Variants in NALF1 observed in about 807,000 individuals in gnomAD.
The protein encoded by NALF1 is NALCN channel auxiliary factor 1.
A neutral mutation model predicts 48.4 loss-of-function variants in NALF1; 3 were observed. That is an observed-to-expected ratio of 0.06 (90% CI 0.03 to 0.16). NALF1 has a LOEUF of 0.16. Ranked by LOEUF, NALF1 falls within the 10% of genes least tolerant of loss-of-function variation. The pLI is 1.00. For synonymous variants in NALF1, 262 were observed against 245.7 expected, an observed-to-expected ratio of 1.07 and a Z score of -0.62; for missense variants, 526 against 571.5, an observed-to-expected ratio of 0.92 and a Z score of 0.81.
rs148087103 is a variant in NALF1, at chr13:107,577,659, G to C, written c.915+288023C>G. On this transcript the variant is annotated intron_variant, in intron 1 of 2. Coordinates refer to ENST00000375915, the MANE Select transcript of NALF1 (RefSeq NM_001080396.3). ...CTCTACTGGGAAGATCTCCTTATTA[G>C]CTGATTTGGAAGATCTATTTTTTGT... Among the ~76,000 whole-genome samples the C allele has an allele frequency of 4.9e-3, 746 of 152,236 alleles. 8 individuals carry two copies. Among genetic ancestry groups the C allele is most frequent in the African/African-American group, 0.017 (711 of 41,528 alleles).
intron 1 of NALF1, among the ~76,000 whole-genome samples, chr13:107,574,100 C>T (rs1042006999): frequency 1.3e-5 from 2 of 152,100 alleles, no homozygotes; most frequent in Non-Finnish European, 2.9e-5. Flanking sequence ...CTGTCTACTT[C>T]TACTAATATA....
At chr13:107,530,108 C>T (rs1483319132) in intron 1 of NALF1, among the ~76,000 whole-genome samples, 2 of 152,056 alleles carry the variant, frequency 1.3e-5, no homozygotes, top group Non-Finnish European at 2.9e-5. Context: ...CAAATCCCCA[C>T]CTGGGCACCT....
At chr13:107,750,518 A>T (rs1482290830) in intron 1 of NALF1, among the ~76,000 whole-genome samples, 1 of 152,138 alleles carries the variant, frequency 6.6e-6, no homozygotes, top group Non-Finnish European at 1.5e-5. Context: ...TTAGTTTTTT[A>T]AAAGATTGAG....
intron 1 of NALF1, among the ~76,000 whole-genome samples, chr13:107,447,474 C>G (rs1411378326): frequency 1.3e-5 from 2 of 152,112 alleles, no homozygotes; most frequent in African/African-American, 4.8e-5. Flanking sequence ...CTGCTGGATA[C>G]CCACAGGTTT....
At chr13:107,690,041 C>T (rs1881531245) in intron 1 of NALF1, among the ~76,000 whole-genome samples, 1 of 152,202 alleles carries the variant, frequency 6.6e-6, no homozygotes, top group South Asian at 2.1e-4. Flanking sequence ...TTGCCTTTCA[C>T]TGTTAAATTT....
chr13:107,380,718 T>C (rs963423659), intron 1 of NALF1, among the ~76,000 whole-genome samples: 14 of 152,032 alleles, frequency 9.2e-5, no homozygotes, highest in Non-Finnish European at 1.6e-4. Flanking sequence ...GTGGTTCACG[T>C]CTGTAATCCC....
chr13:107,704,807 C>A (rs1313375006), intron 1 of NALF1, among the ~76,000 whole-genome samples: 1 of 152,030 alleles, frequency 6.6e-6, no homozygotes, highest in Non-Finnish European at 1.5e-5. Context: ...AGATGCCCTG[C>A]GTCTCAATTT....
At chr13:107,703,821 C>T (rs1348900952) in intron 1 of NALF1, among the ~76,000 whole-genome samples, 4 of 152,304 alleles carry the variant, frequency 2.6e-5, no homozygotes, top group African/African-American at 9.6e-5. Context: ...ACCCCCTGTT[C>T]CCTACATTTC....
chr13:107,866,147 G>T lies in NALF1; in HGVS notation c.450C>A (p.Asp150Glu). Residue 150 changes from aspartate to glutamate, a missense_variant, in exon 1 of 3, where the codon GAC (aspartate) becomes GAA (glutamate). Physicochemically the swap from Asp to Glu is conservative, Grantham distance 45. This residue lies in a region of NALF1 where 373 missense variants were observed against 355.5 expected (regional missense o/e 1.05). Transcript: ENST00000375915. The surrounding 1 kb of genome is among the most constrained non-coding windows in gnomAD (Gnocchi z 4.4). The stretch of plus-strand genomic sequence containing the variant: ...CTAGAAAAAGAGCCTTGCCCCGGTC[G>T]TCTTTGCCTCGGTTGCCCTTGCCGC... ...GGGGKGNRGK[D>E]DRGKALFLGN... 5 of 1,610,046 alleles carry T rather than the reference G, an allele frequency of 3.1e-6. No individual in the cohort carries two copies. The highest frequency in any genetic ancestry group is 4.2e-6 in the Non-Finnish European group (5 of 1,178,660).
chr13:107,792,554 T>TTAC (rs927320786), intron 1 of NALF1, among the ~76,000 whole-genome samples: 1 of 152,182 alleles, frequency 6.6e-6, no homozygotes, highest in African/African-American at 2.4e-5. Context: ...AAATGGGACA[T>TTAC]TGTAAGTGCA....
At chr13:107,650,211 T>C (rs1383943004) in intron 1 of NALF1, among the ~76,000 whole-genome samples, 1 of 151,800 alleles carries the variant, frequency 6.6e-6, no homozygotes, top group African/African-American at 2.4e-5. Context: ...GCCCCCCAAG[T>C]CGATAGTGCC....
chr13:107,480,852 G>T (rs780335668), intron 1 of NALF1, among the ~76,000 whole-genome samples: 1 of 152,114 alleles, frequency 6.6e-6, no homozygotes, highest in Non-Finnish European at 1.5e-5. Context: ...GCTAAAAATA[G>T]TATTTCGACT....
intron 1 of NALF1, among the ~76,000 whole-genome samples, chr13:107,620,325 A>G (rs1298615111): frequency 1.3e-5 from 2 of 152,226 alleles, no homozygotes; most frequent in African/African-American, 4.8e-5. Flanking sequence ...GAGACCCATC[A>G]AACACTAATA....
At chr13:107,706,967 G>A (rs1453748663) in intron 1 of NALF1, among the ~76,000 whole-genome samples, 1 of 110,904 alleles carries the variant, frequency 9.0e-6, no homozygotes, top group Non-Finnish European at 1.7e-5. Context: ...CTGTCGCCCA[G>A]GCTGGAGTGC....
intron 1 of NALF1, among the ~76,000 whole-genome samples, chr13:107,644,736 T>C (rs1025356786): frequency 6.7e-6 from 1 of 149,530 alleles, no homozygotes; most frequent in Non-Finnish European, 1.5e-5. Flanking sequence ...GTCTAAAACA[T>C]GGTCTTAAAC....
rs1167383801 is a variant in NALF1, at chr13:107,500,959, G to T, written c.916-290204C>A. ...ACACTCTGAGGACTGTTGTGGGGTG[G>T]GGGGAGTGGGGAGGGATAGCTTTAG... is the stretch of plus-strand genomic sequence containing the variant. On this transcript the variant is annotated intron_variant, in intron 1 of 2. Transcript: ENST00000375915. Among the ~76,000 whole-genome samples, 4 of 151,820 alleles carry T rather than the reference G, an allele frequency of 2.6e-5. No homozygotes were observed. In the East Asian group the frequency reaches 7.8e-4, roughly 29 times the overall value.
intron 1 of NALF1, among the ~76,000 whole-genome samples, chr13:107,395,812 T>C (rs1168129527): frequency 6.6e-6 from 1 of 152,154 alleles, no homozygotes; most frequent in African/African-American, 2.4e-5. Flanking sequence ...ATTTTCCCTC[T>C]GTATGTGTCT....
intron 1 of NALF1, among the ~76,000 whole-genome samples, chr13:107,425,386 A>G (rs1378828617): frequency 2.0e-5 from 3 of 152,216 alleles, no homozygotes; most frequent in Non-Finnish European, 2.9e-5. Flanking sequence ...ATATAAGTGT[A>G]TGAAAGAAGG....
chr13:107,512,648 C>T (rs957700100), intron 1 of NALF1, among the ~76,000 whole-genome samples: 3 of 152,122 alleles, frequency 2.0e-5, no homozygotes, highest in African/African-American at 7.2e-5. Context: ...CAGGGCAGTT[C>T]TGCAGTCATA....
Sources: gnomAD v4.1 joint callset for allele counts (sites outside exome capture counted in the v4.1 genomes callset) on GRCh38, gnomAD v4.1.1 for gene constraint, gnomAD v4.1.1 regional missense constraint, Gnocchi (gnomAD v3.1) non-coding constraint, MANE v1.5 for transcripts, NCBI Gene and HGNC (gene_info 2026-07-23, HGNC 2026-07-21) for gene names.